Variants in CTTNBP2NL observed in about 807,000 individuals in gnomAD.
The protein encoded by CTTNBP2NL is CTTNBP2 N-terminal like.
In CTTNBP2NL, 16 loss-of-function variants were observed where a neutral mutation model predicts 32.5. That is an observed-to-expected ratio of 0.49 (90% CI 0.33 to 0.75). The LOEUF is 0.75. Ranked by LOEUF, CTTNBP2NL falls within the 30% of genes least tolerant of loss-of-function variation. The pLI, the probability that CTTNBP2NL is intolerant of heterozygous loss-of-function variation, is 0.02. For synonymous variants in CTTNBP2NL, 298 were observed against 289.4 expected, an observed-to-expected ratio of 1.03 and a Z score of -0.30; for missense variants, 645 against 756.0, an observed-to-expected ratio of 0.85 and a Z score of 1.72.
At chr1:112,416,874 T>C (rs1047289128) in intron 3 of CTTNBP2NL, among the ~76,000 whole-genome samples, 2 of 152,152 alleles carry the variant, frequency 1.3e-5, no homozygotes, top group Non-Finnish European at 2.9e-5. Flanking sequence ...AACTTCCTAA[T>C]AAATGTACAT....
intron 4 of CTTNBP2NL, among the ~76,000 whole-genome samples, chr1:112,450,049 A>G (rs1227265888): frequency 6.6e-6 from 1 of 152,242 alleles, no homozygotes; most frequent in African/African-American, 2.4e-5. Context: ...TTATGCCAAC[A>G]AGGCAGTTAT....
At chr1:112,455,829 C>T (rs1408951688) in intron 5 of CTTNBP2NL, 102 bp from the exon 6 acceptor site, 4 of 784,954 alleles carry the variant, frequency 5.1e-6, no homozygotes, top group Non-Finnish European at 8.1e-6. Flanking sequence ...GATCTAAGCA[C>T]TGTGATGTGC....
At chr1:112,422,993 C>T (rs1283116820) in intron 3 of CTTNBP2NL, among the ~76,000 whole-genome samples, 1 of 152,074 alleles carries the variant, frequency 6.6e-6, no homozygotes, top group Admixed American at 6.6e-5. Context: ...GAGGTCTCAC[C>T]ATGTTGCTCA....
chr1:112,414,344 A>G (rs1648994790), intron 2 of CTTNBP2NL, among the ~76,000 whole-genome samples: 1 of 152,204 alleles, frequency 6.6e-6, no homozygotes, highest in South Asian at 2.1e-4. Context: ...AGCCTGGGCA[A>G]CTGAGTGAGA....
chr1:112,393,567 G>T (rs1444480183), upstream of CTTNBP2NL, among the ~76,000 whole-genome samples: 1 of 152,074 alleles, frequency 6.6e-6, no homozygotes, highest in Non-Finnish European at 1.5e-5. Flanking sequence ...TATTTACAAG[G>T]TTTATGTATT....
intron 1 of CTTNBP2NL, among the ~76,000 whole-genome samples, chr1:112,399,305 CGA>C (rs1002105667): frequency 1.5e-4 from 17 of 113,742 alleles, no homozygotes; most frequent in Admixed American, 2.3e-4. Flanking sequence ...GGAAACAAAG[CGA>C]GACTCTGTCT....
At chr1:112,455,871 C>T (rs770754770) in intron 5 of CTTNBP2NL, 60 bp from the exon 6 acceptor site, 59 of 1,267,934 alleles carry the variant, frequency 4.7e-5, no homozygotes, top group Middle Eastern at 2.1e-4. Context: ...GAACAGCTAA[C>T]GAAGACAGTC....
rs151022392 is a variant in CTTNBP2NL, at chr1:112,456,571, G to A, written c.1079G>A (p.Arg360Lys). 6.2e-7 allele frequency: 1 copy of A among 1,614,002 alleles called. No homozygotes were observed. Among genetic ancestry groups the A allele is most frequent in the African/African-American group, 1.3e-5 (1 of 74,896 alleles). ...GHCDPEIQTT[R>K]ELTAGNNVEN... is the part of the protein sequence containing the mutation. ...TGTGACCCAGAGATACAAACTACCA[G>A]GGAGCTGACTGCAGGCAACAATGTA... The change falls in exon 6 of 6, where the codon AGG (arginine) becomes AAG (lysine). Residue 360 changes from arginine (R) to lysine (K), a missense_variant. Transcript: ENST00000271277.
At chr1:112,455,810 G>A (rs1443072243) in intron 5 of CTTNBP2NL, 121 bp from the exon 6 acceptor site, 1 of 694,958 alleles carries the variant, frequency 1.4e-6, no homozygotes, top group Admixed American at 3.2e-5. Flanking sequence ...TAAAATTTCA[G>A]AAATACTTGA....
chr1:112,452,546 G>A (rs931602486), intron 4 of CTTNBP2NL, among the ~76,000 whole-genome samples: 1 of 150,098 alleles, frequency 6.7e-6, no homozygotes, highest in Non-Finnish European at 1.5e-5. Context: ...GTTTCTCCAT[G>A]TTGGTCAGGC....
At position 112,457,149 on chromosome 1, in the gene CTTNBP2NL, G is replaced by A. The variant is rs1253152128; in HGVS notation, c.1657G>A (p.Gly553Arg). 1 of 1,614,102 alleles carries A rather than the reference G, an allele frequency of 6.2e-7. No individual in the cohort carries two copies. The highest frequency in any genetic ancestry group is 1.3e-5 in the African/African-American group (1 of 75,012). The change falls in exon 6 of 6, where the codon GGG (glycine) becomes AGG (arginine). Residue 553 changes from glycine (G) to arginine (R), a missense_variant. Physicochemically the swap from Gly to Arg is moderately radical, Grantham distance 125 (BLOSUM62 -2). Transcript: ENST00000271277. Reference protein sequence around the residue: ...RGDTSHSPTPGKVSSPLSPLS... With the variant: ...RGDTSHSPTPRKVSSPLSPLS... ...TGACACAAGCCATTCACCTACTCCA[G>A]GGAAAGTGTCCAGTCCCCTGAGCCC...
At chr1:112,396,641 A>G (rs910755540) in intron 1 of CTTNBP2NL, 6 of 152,292 alleles carry the variant, frequency 3.9e-5, no homozygotes, top group Admixed American at 2.0e-4. Context: ...CGGAAGGCCA[A>G]ACATCCCTCC....
At chr1:112,425,292 G>A (rs2101010418) in intron 3 of CTTNBP2NL, among the ~76,000 whole-genome samples, 1 of 152,100 alleles carries the variant, frequency 6.6e-6, no homozygotes, top group African/African-American at 2.4e-5. Context: ...TTAACATGGT[G>A]AAACCCCGTC....
upstream of CTTNBP2NL, among the ~76,000 whole-genome samples, chr1:112,395,181 T>C (rs187403511): frequency 2.6e-5 from 4 of 152,364 alleles, no homozygotes; most frequent in African/African-American, 7.2e-5. Flanking sequence ...GTGTACTACA[T>C]TATTTATGCA....
chr1:112,437,902 T>C (rs1649784034), intron 3 of CTTNBP2NL, among the ~76,000 whole-genome samples: 1 of 152,174 alleles, frequency 6.6e-6, no homozygotes. Context: ...ATTCTGTACG[T>C]TGTCTGTTTA....
At chr1:112,425,839 G>C (rs1341340418) in intron 3 of CTTNBP2NL, among the ~76,000 whole-genome samples, 1 of 152,048 alleles carries the variant, frequency 6.6e-6, no homozygotes, top group Non-Finnish European at 1.5e-5. Context: ...CTCCAACTTG[G>C]GAGACAGAAT....
chr1:112,407,946 G>A (rs1222657389), intron 1 of CTTNBP2NL, among the ~76,000 whole-genome samples: 2 of 140,480 alleles, frequency 1.4e-5, no homozygotes, highest in African/African-American at 5.2e-5. Flanking sequence ...CCGGGCTCAC[G>A]CAATTCTCCT....
intron 1 of CTTNBP2NL, among the ~76,000 whole-genome samples, chr1:112,402,086 C>A (rs765551567): frequency 2.6e-5 from 4 of 152,144 alleles, no homozygotes; most frequent in Non-Finnish European, 4.4e-5. Context: ...AAAGGCTAGG[C>A]TGAAGCTGAA....
At chr1:112,420,756 C>T (rs566105051) in intron 3 of CTTNBP2NL, among the ~76,000 whole-genome samples, 8 of 152,262 alleles carry the variant, frequency 5.3e-5, no homozygotes, top group African/African-American at 1.9e-4. Flanking sequence ...CATGAGCCAC[C>T]GTGCCAGCCT....
Sources: gnomAD v4.1 joint callset for allele counts (sites outside exome capture counted in the v4.1 genomes callset) on GRCh38, gnomAD v4.1.1 for gene constraint, MANE v1.5 for transcripts, NCBI Gene and HGNC (gene_info 2026-07-23, HGNC 2026-07-21) for gene names.